SPMIP8: variants seen among roughly 807,000 people sequenced by gnomAD.
SPMIP8 encodes sperm microtubule inner protein 8, also known as testicular tissue protein Li 196.
At chr16:57,981,407 A>AATTATTATTATTATT in the SPMIP8 span, among the ~76,000 whole-genome samples, 38 of 56,406 alleles carry the variant, frequency 6.7e-4, no homozygotes, top group Non-Finnish European at 1.8e-3. Flanking sequence ...TTATTATTAT[A>AATTATTATTATTATT]ATAATAATTA....
chr16:57,982,248 C>T, the SPMIP8 span, among the ~76,000 whole-genome samples: 1 of 152,160 alleles, frequency 6.6e-6, no homozygotes, highest in East Asian at 1.9e-4. Flanking sequence ...ATATCCAGAC[C>T]ATATTAAAAT....
At chr16:57,977,853 G>T in the SPMIP8 span, 3 of 1,614,096 alleles carry the variant, frequency 1.9e-6, no homozygotes, top group Non-Finnish European at 2.5e-6. Flanking sequence ...CTGGGACGAT[G>T]GCTCCACACA....
At chr16:57,976,716 C>T in the SPMIP8 span, 1 of 1,537,680 alleles carries the variant, frequency 6.5e-7, no homozygotes, top group Non-Finnish European at 8.8e-7. Context: ...AGTCACATCC[C>T]CTAAGGCAGC....
chr16:57,987,464 G>A, the SPMIP8 span: 30 of 1,573,334 alleles, frequency 1.9e-5, no homozygotes, highest in Non-Finnish European at 2.4e-5. Flanking sequence ...CTGCCGGACG[G>A]TGCCACCTCA....
chr16:57,986,183 G>A, the SPMIP8 span: 1 of 447,896 alleles, frequency 2.2e-6, no homozygotes, highest in Non-Finnish European at 3.9e-6. Flanking sequence ...GGTTTGACTG[G>A]AGGAGGCCAA....
chr16:57,977,848 A>G, the SPMIP8 span: 1 of 1,613,978 alleles, frequency 6.2e-7, no homozygotes, highest in East Asian at 2.2e-5. Flanking sequence ...GTGCCCTGGG[A>G]CGATGGCTCC....
chr16:57,981,501 C>CTTTTT, the SPMIP8 span, among the ~76,000 whole-genome samples: 4 of 68,980 alleles, frequency 5.8e-5, no homozygotes, highest in Admixed American at 2.0e-4. Context: ...CTCTCTTTCT[C>CTTTTT]TTTTTTTTTT....
chr16:57,984,440 C>A, the SPMIP8 span: 4 of 1,577,754 alleles, frequency 2.5e-6, no homozygotes, highest in Non-Finnish European at 2.6e-6. Context: ...GGGATCTACA[C>A]CCCGCGCACC....
At chr16:57,984,746 C>T in the SPMIP8 span, 20 of 1,606,844 alleles carry the variant, frequency 1.2e-5, no homozygotes, top group South Asian at 2.1e-4. Context: ...CGCGCGCCAT[C>T]GAGGACTGGT....
chr16:57,983,244 A>G, the SPMIP8 span, among the ~76,000 whole-genome samples: 1 of 152,096 alleles, frequency 6.6e-6, no homozygotes, highest in African/African-American at 2.4e-5. Context: ...CAGCTTCCTG[A>G]GTAGCTGAGA....
At chr16:57,982,200 C>A in the SPMIP8 span, among the ~76,000 whole-genome samples, 2 of 152,178 alleles carry the variant, frequency 1.3e-5, no homozygotes, top group East Asian at 3.8e-4. Flanking sequence ...ATACCATTAT[C>A]ACACCTAGGA....
chr16:57,978,156 C>T, the SPMIP8 span: 7 of 1,214,386 alleles, frequency 5.8e-6, no homozygotes, highest in Non-Finnish European at 6.9e-6. Context: ...CTGCCCAGGA[C>T]ACTTTGGCCA....
the SPMIP8 span, chr16:57,984,899 G>T: frequency 6.9e-7 from 1 of 1,453,662 alleles, no homozygotes; most frequent in Non-Finnish European, 9.2e-7. Flanking sequence ...GAACGCAGGC[G>T]GCGGGCCAGG....
At chr16:57,981,501 C>CTTTTTTTT in the SPMIP8 span, among the ~76,000 whole-genome samples, 3 of 68,980 alleles carry the variant, frequency 4.3e-5, no homozygotes, top group Admixed American at 2.0e-4. Flanking sequence ...CTCTCTTTCT[C>CTTTTTTTT]TTTTTTTTTT....
At chr16:57,984,868 G>A in the SPMIP8 span, 1 of 1,528,360 alleles carries the variant, frequency 6.5e-7, no homozygotes, top group Non-Finnish European at 8.8e-7. Context: ...GGCTGGAGCA[G>A]GGAACGTGGA....
the SPMIP8 span, among the ~76,000 whole-genome samples, chr16:57,976,881 A>G: frequency 6.6e-6 from 1 of 152,210 alleles, no homozygotes; most frequent in African/African-American, 2.4e-5. Context: ...TAAAGTGTAA[A>G]TGACTGAAAG....
At chr16:57,977,971 T>C in the SPMIP8 span, 2 of 1,614,120 alleles carry the variant, frequency 1.2e-6, no homozygotes, top group East Asian at 2.2e-5. Context: ...CTGCGCCACA[T>C]GGACAGGGAC....
At chr16:57,979,257 G>C in the SPMIP8 span, among the ~76,000 whole-genome samples, 1 of 152,232 alleles carries the variant, frequency 6.6e-6, no homozygotes, top group African/African-American at 2.4e-5. Context: ...TTGGGTGACA[G>C]GTGGGCTGAG....
the SPMIP8 span, chr16:57,977,746 T>A: frequency 6.5e-7 from 1 of 1,529,594 alleles, no homozygotes; most frequent in Non-Finnish European, 8.9e-7. Flanking sequence ...CAAGGTTGTT[T>A]TCATGCAGAG....
Sources: gnomAD v4.1 joint callset for allele counts (sites outside exome capture counted in the v4.1 genomes callset) on GRCh38, gnomAD v4.1.1 for gene constraint, MANE v1.5 for transcripts, NCBI Gene and HGNC (gene_info 2026-07-23, HGNC 2026-07-21) for gene names.